Variants in TBCD observed in about 807,000 individuals in gnomAD.
The protein encoded by TBCD is tubulin-specific chaperone D.
A neutral mutation model predicts 169.3 loss-of-function variants in TBCD; 105 were observed. The ratio of observed to expected loss-of-function variants is 0.62; its 90% CI spans 0.53 to 0.73. The LOEUF is 0.73. Ranked by LOEUF, TBCD falls within the 30% of genes least tolerant of loss-of-function variation. The pLI, the probability that TBCD is intolerant of heterozygous loss-of-function variation, is 0.00. For missense variants in TBCD, 1,444 were observed against 1,600.1 expected, an observed-to-expected ratio of 0.90 and a Z score of 1.66; for synonymous variants, 700 against 643.9, an observed-to-expected ratio of 1.09 and a Z score of -1.32.
rs1404788975 is a variant in TBCD at position 82,923,885 on chromosome 17, A to G, written c.2260+152A>G. 6.6e-6 allele frequency among the ~76,000 whole-genome samples: 1 copy of G among 152,100 alleles called. No individual in the cohort carries two copies. The highest frequency in any genetic ancestry group is 2.4e-5 in the African/African-American group (1 of 41,426). ...GGGACTGTTCGGGTCTCAGGTTCCC[A>G]GCCGAGGAGCTGTGGGCAGGTCCTG... On this transcript the variant is annotated intron_variant, in intron 26 of 38. Transcript: ENST00000355528. The surrounding 1 kb of genome is among the most constrained non-coding windows in gnomAD (Gnocchi z 4.6).
rs1042043069 is a variant in TBCD at position 82,907,575 on chromosome 17, G to A, written c.1923-186G>A. Among the ~76,000 whole-genome samples, 6 of 152,320 alleles carry A rather than the reference G, an allele frequency of 3.9e-5. No individual in the cohort carries two copies. In the South Asian group the frequency reaches 8.3e-4, roughly 21 times the overall value. On this transcript the variant is annotated intron_variant, in intron 20 of 38. Transcript: ENST00000355528. Reference sequence around the variant, plus strand: ...CAGTAGAATACAAAAATAATCGGAGGTATGTCCTGCAGAGGTCTCTGGGAC... The same window carrying A: ...CAGTAGAATACAAAAATAATCGGAGATATGTCCTGCAGAGGTCTCTGGGAC...
In TBCD at chr17:82,789,328, C is replaced by G. The variant is rs147631825; in HGVS notation, c.771+7607C>G. 1.3e-5 allele frequency among the ~76,000 whole-genome samples: 2 copies of G among 152,242 alleles called. No homozygotes were observed. The highest frequency in any genetic ancestry group is 2.4e-5 in the African/African-American group (1 of 41,462). On this transcript the variant is annotated intron_variant, in intron 7 of 38. Transcript: ENST00000355528. The surrounding 1 kb of genome is among the most constrained non-coding windows in gnomAD (Gnocchi z 4.8). ...CATGGTGAGCCGCACGCCTTTGAGT[C>G]CCCATCAGCCCTGGCCCATCCCTGC... is the stretch of plus-strand genomic sequence containing the variant.
At chr17:82,932,582 C>G in intron 33 of TBCD, 76 bp from the exon 34 acceptor site, 4 of 1,215,216 alleles carry the variant, frequency 3.3e-6, no homozygotes, top group Non-Finnish European at 4.8e-6. Flanking sequence ...TGGGATCCTG[C>G]TGACTCTCAG....
intron 13 of TBCD, chr17:82,840,326 C>T (rs1031599979): frequency 6.6e-5 from 10 of 152,244 alleles, no homozygotes; most frequent in South Asian, 2.1e-4. Context: ...GAATCACACC[C>T]GATGAATATT....
intron 16 of TBCD, among the ~76,000 whole-genome samples, chr17:82,892,904 G>T (rs911374601): frequency 6.6e-6 from 1 of 152,210 alleles, no homozygotes; most frequent in Non-Finnish European, 1.5e-5. Context: ...CTGGGAGGCT[G>T]TCGTGGCGGG....
intron 13 of TBCD, among the ~76,000 whole-genome samples, chr17:82,816,868 AAAG>A (rs1469665433): frequency 6.6e-6 from 1 of 151,674 alleles, no homozygotes; most frequent in Admixed American, 6.6e-5. Flanking sequence ...AAAAAAAAAA[AAAG>A]CCGTCCTAGT....
chr17:82,875,409 C>T (rs2057891388), intron 14 of TBCD, among the ~76,000 whole-genome samples: 2 of 152,162 alleles, frequency 1.3e-5, no homozygotes. Flanking sequence ...GTCTAATTTG[C>T]AAGAAGGAAA....
intron 13 of TBCD, among the ~76,000 whole-genome samples, chr17:82,828,472 A>G (rs1286004559): frequency 6.9e-6 from 1 of 144,384 alleles, no homozygotes; most frequent in Non-Finnish European, 1.5e-5. Context: ...ACCCACAGAT[A>G]CACACACGTG....
Position 82,905,918 on chromosome 17 carries a change from C to G in TBCD, c.1805-18C>G. On this transcript the variant is annotated intron_variant, in intron 19 of 38. Transcript: ENST00000355528. ...ATGTACACACCCTCACCTGCCCTCT[C>G]GGCCCTGTCTCTTGCAGTCTTCCCG... 1 of 1,594,276 alleles carries G rather than the reference C, an allele frequency of 6.3e-7. No individual in the cohort carries two copies. Among genetic ancestry groups the G allele is most frequent in the Non-Finnish European group, 8.6e-7 (1 of 1,167,642 alleles).
At chr17:82,854,078 T>C (rs1027020514) in intron 13 of TBCD, among the ~76,000 whole-genome samples, 3 of 152,228 alleles carry the variant, frequency 2.0e-5, no homozygotes, top group Non-Finnish European at 4.4e-5. Flanking sequence ...ACCCTCCAAG[T>C]AACACACAGC....
rs140588182 is a variant in TBCD at position 82,931,331 on chromosome 17, C to T, written c.3113+688C>T. ...GCTGCACATAAAGGGGCAGTTCGAT[C>T]GATTTTGATAGGTGTCCACCCTTAA... On this transcript the variant is annotated intron_variant, in intron 33 of 38. Coordinates refer to ENST00000355528, the MANE Select transcript of TBCD (RefSeq NM_005993.5). Among the ~76,000 whole-genome samples, 574 of 152,334 alleles carry T rather than the reference C, an allele frequency of 3.8e-3. 4 individuals are homozygous for T. Among genetic ancestry groups the T allele is most frequent in the African/African-American group, 0.013 (557 of 41,584 alleles).
intron 17 of TBCD, among the ~76,000 whole-genome samples, chr17:82,900,106 A>G (rs1199698887): frequency 6.6e-6 from 1 of 152,244 alleles, no homozygotes; most frequent in Non-Finnish European, 1.5e-5. Flanking sequence ...CACACTAACC[A>G]GAGCGCACAG....
rs2047160053 is a variant in TBCD at position 82,752,572 on chromosome 17, C to CA, written c.184+196dup. 2.0e-5 allele frequency among the ~76,000 whole-genome samples: 3 copies of CA among 152,178 alleles called. No homozygotes were observed. The South Asian group carries it at 6.2e-4, about 32-fold the overall frequency. On this transcript the variant is annotated intron_variant, in intron 1 of 38. Transcript: ENST00000355528. The stretch of plus-strand genomic sequence containing the variant: ...GGCCACCCCGGCGCGGCGTTAGGTG[C>CA]ACGGGGCAGACGCGCGCCTCCCTTG...
chr17:82,910,726 C>T (rs1341278582), intron 22 of TBCD, among the ~76,000 whole-genome samples: 1 of 152,096 alleles, frequency 6.6e-6, no homozygotes, highest in African/African-American at 2.4e-5. Flanking sequence ...CCATCATGCC[C>T]ACCTAATTTT....
intron 6 of TBCD, among the ~76,000 whole-genome samples, chr17:82,776,941 G>A (rs373752540): frequency 4.6e-5 from 7 of 152,142 alleles, no homozygotes; most frequent in African/African-American, 1.7e-4. Context: ...TACATACTCC[G>A]CTTCGTGACC....
intron 13 of TBCD, chr17:82,840,410 A>C (rs2054370724): frequency 6.6e-6 from 1 of 152,228 alleles, no homozygotes; most frequent in South Asian, 2.1e-4. Flanking sequence ...AAACACTTGG[A>C]TTGATTCTCA....
At chr17:82,758,397 A>AAAT (rs1568089867) in intron 2 of TBCD, among the ~76,000 whole-genome samples, 3 of 127,422 alleles carry the variant, frequency 2.4e-5, no homozygotes, top group Non-Finnish European at 5.1e-5. Context: ...AAAAAAAAAA[A>AAAT]AAAAAATAAA....
chr17:82,847,886 GCTGGGATTA>G (rs1404481480), intron 13 of TBCD, among the ~76,000 whole-genome samples: 1 of 152,140 alleles, frequency 6.6e-6, no homozygotes, highest in Non-Finnish European at 1.5e-5. Context: ...CTCCCAAAGT[GCTGGGATTA>G]CTGGGATTAC....
rs1481622695 is a variant in TBCD at position 82,945,584 on chromosome 17, T to A, written c.*3121T>A. On this transcript the variant is annotated 3_prime_UTR_variant, in exon 39 of 39. Transcript: ENST00000355528. ...CATAACATTAAAGAAGAGAACAAAA[T>A]TAAGTCATTTAGATAAAAATATGCC... 1 of 152,152 alleles carries A rather than the reference T, an allele frequency of 6.6e-6. No individual in the cohort carries two copies. The highest frequency in any genetic ancestry group is 6.5e-5 in the Admixed American group (1 of 15,272). 9.4% of individuals were successfully genotyped at this position (152,152 alleles called of 1,614,324 possible).
Sources: gnomAD v4.1 joint callset for allele counts (sites outside exome capture counted in the v4.1 genomes callset) on GRCh38, gnomAD v4.1.1 for gene constraint, Gnocchi (gnomAD v3.1) non-coding constraint, MANE v1.5 for transcripts, NCBI Gene and HGNC (gene_info 2026-07-23, HGNC 2026-07-21) for gene names.